Variants in LHX8 observed in about 807,000 individuals in gnomAD.
LHX8 encodes LIM/homeobox protein Lhx8.
A neutral mutation model predicts 40.3 loss-of-function variants in LHX8; 12 were observed. The observed-to-expected ratio is 0.30, with a 90% CI of 0.19 to 0.48. LHX8 has a LOEUF of 0.48. LHX8 is among the 20% of genes least tolerant of loss of function. The pLI, the probability that LHX8 is intolerant of heterozygous loss-of-function variation, is 0.99. For missense variants in LHX8, 344 were observed against 433.7 expected (o/e 0.79, Z 1.84); for synonymous variants, 179 against 162.0 (o/e 1.10, Z -0.80).
At chr1:75,136,544 C>T in intron 1 of LHX8, 59 bp from the exon 2 acceptor site, 2 of 1,254,804 alleles carry the variant, frequency 1.6e-6, no homozygotes, top group Non-Finnish European at 2.3e-6. Context: ...CTGGGGCGGG[C>T]AGCACGCTCG....
At chr1:75,161,777 C>A (rs566165791), downstream of LHX8, among the ~76,000 whole-genome samples, 1 of 151,716 alleles carries the variant, frequency 6.6e-6, no homozygotes, top group Non-Finnish European at 1.5e-5. Context: ...GAATGGACTT[C>A]GGAGGGTATT....
chr1:75,173,373 T>C, the LHX8 span, among the ~76,000 whole-genome samples: 1 of 138,554 alleles, frequency 7.2e-6, no homozygotes, highest in Non-Finnish European at 1.5e-5. Flanking sequence ...GGATATATAC[T>C]CTTTTTTTTT....
downstream of LHX8, among the ~76,000 whole-genome samples, chr1:75,165,064 T>C (rs1649003849): frequency 6.6e-6 from 1 of 152,206 alleles, no homozygotes; most frequent in Non-Finnish European, 1.5e-5. Flanking sequence ...CATATATTAC[T>C]AAAGTGAGCA....
At chr1:75,166,584 T>C in the LHX8 span, among the ~76,000 whole-genome samples, 2 of 152,250 alleles carry the variant, frequency 1.3e-5, no homozygotes, top group Non-Finnish European at 2.9e-5. Context: ...TCTGTTATTT[T>C]GCCAGCATGG....
chr1:75,181,602 T>G, the LHX8 span, among the ~76,000 whole-genome samples: 1 of 152,222 alleles, frequency 6.6e-6, no homozygotes, highest in African/African-American at 2.4e-5. Flanking sequence ...GTACAGTCTG[T>G]CATGGCTTCC....
intron 7 of LHX8, among the ~76,000 whole-genome samples, chr1:75,149,275 G>A (rs192860525): frequency 2.0e-5 from 3 of 152,308 alleles, no homozygotes; most frequent in African/African-American, 4.8e-5. Flanking sequence ...ATTTATGTTT[G>A]GAAATAGTGG....
upstream of LHX8, among the ~76,000 whole-genome samples, chr1:75,129,439 C>CT (rs959620371): frequency 1.3e-4 from 19 of 151,816 alleles, no homozygotes; most frequent in South Asian, 4.2e-4. Flanking sequence ...CTTGGGCCAA[C>CT]TTTTTTTTTG....
At chr1:75,153,981 TA>T (rs1648685824) in intron 7 of LHX8, among the ~76,000 whole-genome samples, 1 of 152,254 alleles carries the variant, frequency 6.6e-6, no homozygotes, top group Admixed American at 6.5e-5. Context: ...CTGGGCTTTC[TA>T]AAGGTTTCAT....
the LHX8 span, among the ~76,000 whole-genome samples, chr1:75,182,258 C>G: frequency 6.6e-6 from 1 of 152,038 alleles, no homozygotes; most frequent in Admixed American, 6.6e-5. Flanking sequence ...AATAGGATGT[C>G]CTTTCCCCAC....
intron 1 of LHX8, among the ~76,000 whole-genome samples, chr1:75,136,225 C>G (rs1056428321): frequency 2.0e-5 from 3 of 152,024 alleles, no homozygotes; most frequent in African/African-American, 4.8e-5. Flanking sequence ...CCCGCACCCC[C>G]TTTAGCCCGG....
chr1:75,135,050 C>A, intron 1 of LHX8, 96 bp downstream of exon 1: 1 of 485,316 alleles, frequency 2.1e-6, no homozygotes, highest in Non-Finnish European at 2.7e-6. Context: ...AACCGGAGAC[C>A]TGGCTCGTTT....
At chr1:75,195,526 C>G in the LHX8 span, among the ~76,000 whole-genome samples, 1 of 152,140 alleles carries the variant, frequency 6.6e-6, no homozygotes, top group Admixed American at 6.5e-5. Context: ...GTACTCCACA[C>G]CAAGAAGCTT....
At chr1:75,196,783 C>T in the LHX8 span, among the ~76,000 whole-genome samples, 2 of 152,276 alleles carry the variant, frequency 1.3e-5, no homozygotes, top group South Asian at 2.1e-4. Context: ...CTGTATGCTG[C>T]TCACACACAT....
downstream of LHX8, among the ~76,000 whole-genome samples, chr1:75,164,033 TA>T (rs2100371377): frequency 6.6e-6 from 1 of 152,374 alleles, no homozygotes; most frequent in South Asian, 2.1e-4. Flanking sequence ...CTGTTGTTCA[TA>T]AATTACCCTG....
chr1:75,177,104 G>C, the LHX8 span, among the ~76,000 whole-genome samples: 2 of 152,168 alleles, frequency 1.3e-5, no homozygotes, highest in African/African-American at 2.4e-5. Context: ...AAGTCAGGTA[G>C]TGTGATGCCT....
chr1:75,129,603 C>T (rs1341303408), upstream of LHX8, among the ~76,000 whole-genome samples: 1 of 152,146 alleles, frequency 6.6e-6, no homozygotes, highest in Non-Finnish European at 1.5e-5. Context: ...AAAATGTCAT[C>T]CAAGCCTGTG....
chr1:75,136,223 C>T (rs1367336860), intron 1 of LHX8, among the ~76,000 whole-genome samples: 1 of 152,204 alleles, frequency 6.6e-6, no homozygotes, highest in Non-Finnish European at 1.5e-5. Flanking sequence ...GCCCCGCACC[C>T]CCTTTAGCCC....
At chr1:75,178,669 T>G in the LHX8 span, among the ~76,000 whole-genome samples, 55 of 152,232 alleles carry the variant, frequency 3.6e-4, no homozygotes, top group Non-Finnish European at 6.9e-4. Context: ...TGTCTCTATC[T>G]CCTTCAGTTC....
At chr1:75,181,467 A>G in the LHX8 span, among the ~76,000 whole-genome samples, 2 of 152,234 alleles carry the variant, frequency 1.3e-5, no homozygotes, top group East Asian at 1.9e-4. Context: ...TCGGACTAGG[A>G]GTGAGCAAGG....
Sources: gnomAD v4.1 joint callset for allele counts (sites outside exome capture counted in the v4.1 genomes callset) on GRCh38, gnomAD v4.1.1 for gene constraint, MANE v1.5 for transcripts, NCBI Gene and HGNC (gene_info 2026-07-23, HGNC 2026-07-21) for gene names.